ABCB11: variants seen among roughly 807,000 people sequenced by gnomAD.
ABCB11 encodes bile salt export pump.
A neutral mutation model predicts 148.0 loss-of-function variants in ABCB11; 95 were observed. The observed-to-expected ratio is 0.64, with a 90% CI of 0.54 to 0.76. The LOEUF (loss-of-function observed/expected upper bound fraction) is 0.76. ABCB11 is among the 30% of genes least tolerant of loss of function. The pLI is 0.00. For missense variants in ABCB11, 1,523 were observed against 1,617.8 expected (o/e 0.94, Z 1.01); for synonymous variants, 591 against 555.4 (o/e 1.06, Z -0.90).
At chr2:168,945,111 G>C (rs1014709229) in intron 19 of ABCB11, 150 bp from the exon 20 acceptor site, 15 of 588,882 alleles carry the variant, frequency 2.5e-5, no homozygotes, top group Non-Finnish European at 3.3e-5. Context: ...CCTAATGTAA[G>C]CTGTGGATCT....
chr2:168,915,421 T>G (rs543750312), downstream of ABCB11, among the ~76,000 whole-genome samples: 1 of 152,368 alleles, frequency 6.6e-6, no homozygotes, highest in South Asian at 2.1e-4. Context: ...TTCAGGATTT[T>G]TATTAATAAA....
chr2:169,017,018 A>ACC (rs1695381695), intron 2 of ABCB11, among the ~76,000 whole-genome samples: 1 of 148,728 alleles, frequency 6.7e-6, no homozygotes, highest in Non-Finnish European at 1.5e-5. Flanking sequence ...ACACACACAC[A>ACC]CACACGAAGA....
At position 169,010,768 on chromosome 2, in the gene ABCB11, G is replaced by A. The variant is rs186206560; in HGVS notation, c.389+2504C>T. On this transcript the variant is annotated intron_variant, in intron 5 of 27. Transcript: ENST00000650372. ...CTAAACAAACATGTTATTCAGAATA[G>A]AACAAATAGTATTCATGTCAATGAT... 1.2e-4 allele frequency among the ~76,000 whole-genome samples: 19 copies of A among 152,174 alleles called. No homozygotes were observed. The East Asian group carries it at 2.5e-3, about 20-fold the overall frequency.
At chr2:168,952,574 C>T (rs996332914) in intron 19 of ABCB11, among the ~76,000 whole-genome samples, 3 of 150,272 alleles carry the variant, frequency 2.0e-5, no homozygotes, top group Non-Finnish European at 4.5e-5. Context: ...TCTTCTTTTT[C>T]ATTTTTGATT....
rs377593886 is a variant in ABCB11 at position 168,970,162 on chromosome 2, T to C, written c.1692A>G (p.Lys564=). The change falls in exon 15 of 28, where the codon AAA becomes AAG. Residue 564 remains lysine, a synonymous_variant. Transcript: ENST00000650372. The part of the protein sequence containing the change: ...EGGGQMSGGQ[K]QRVAIARALI... ...GGGCTCTGGCGATAGCTACCCTTTG[T>C]TTCTGGCCACCACTCATCTGGCCTC... is the stretch of plus-strand genomic sequence containing the variant. The C allele has an allele frequency of 8.4e-5, 135 of 1,612,684 alleles. No individual in the cohort carries two copies. The highest frequency in any genetic ancestry group is 1.1e-4 in the Non-Finnish European group (128 of 1,179,268).
intron 8 of ABCB11, among the ~76,000 whole-genome samples, chr2:168,991,329 T>C (rs1573949192): frequency 6.6e-6 from 1 of 152,106 alleles, no homozygotes; most frequent in Admixed American, 6.6e-5. Context: ...TTGGGTATAA[T>C]ATATGACATA....
chr2:168,956,552 G>A (rs1692800570), intron 19 of ABCB11, among the ~76,000 whole-genome samples: 1 of 151,626 alleles, frequency 6.6e-6, no homozygotes, highest in Non-Finnish European at 1.5e-5. Context: ...ATACTACTCT[G>A]AGTCTGTTCA....
At chr2:169,004,685 A>G (rs1192983037) in intron 5 of ABCB11, among the ~76,000 whole-genome samples, 3 of 152,110 alleles carry the variant, frequency 2.0e-5, no homozygotes, top group Admixed American at 1.3e-4. Flanking sequence ...CAGAGATTTC[A>G]TCTTGGTTTA....
chr2:168,921,931 C>T lies in ABCB11; in HGVS notation c.*1691G>A, dbSNP rs1378675868. Among the ~76,000 whole-genome samples, 11 of 150,466 alleles carry T rather than the reference C, an allele frequency of 7.3e-5. No homozygotes were observed. Among genetic ancestry groups the T allele is most frequent in the Admixed American group, 4.0e-4 (6 of 15,126 alleles). The stretch of plus-strand genomic sequence containing the variant: ...TGGCGCGATCTCGGCTCACTGCAAG[C>T]TCCACCTCCCGGGTTCACGCCATTC... On this transcript the variant is annotated 3_prime_UTR_variant, in exon 28 of 28. Transcript: ENST00000650372.
chr2:169,028,503 G>A (rs910573735), intron 1 of ABCB11, among the ~76,000 whole-genome samples: 8 of 152,022 alleles, frequency 5.3e-5, no homozygotes, highest in Non-Finnish European at 1.2e-4. Flanking sequence ...ACATGCAAAG[G>A]CCCAGATGCA....
At chr2:169,019,279 A>T (rs191433583) in intron 1 of ABCB11, among the ~76,000 whole-genome samples, 3 of 152,222 alleles carry the variant, frequency 2.0e-5, no homozygotes, top group Non-Finnish European at 2.9e-5. Context: ...TCCCAGAAGC[A>T]GAGAGTGGAG....
At chr2:168,929,966 A>G (rs1012694717) in intron 25 of ABCB11, among the ~76,000 whole-genome samples, 1 of 152,208 alleles carries the variant, frequency 6.6e-6, no homozygotes, top group African/African-American at 2.4e-5. Flanking sequence ...CAAGTGGTCA[A>G]AAATAGTTGC....
Position 168,926,247 on chromosome 2 carries a change from A to C in ABCB11, c.3618+909T>G, listed in dbSNP as rs149336382. Among the ~76,000 whole-genome samples, 428 of 152,250 alleles carry C rather than the reference A, an allele frequency of 2.8e-3. 3 individuals carry two copies. Among genetic ancestry groups the C allele is most frequent in the African/African-American group, 9.6e-3 (397 of 41,540 alleles). On this transcript the variant is annotated intron_variant, in intron 26 of 27. Coordinates refer to ENST00000650372, the MANE Select transcript of ABCB11 (RefSeq NM_003742.4). ...AAAATGCAGAGTCAATATTGCGCGA[A>C]ATCTGGACTTGGGTTTGGCAAAGTA...
Position 168,995,345 on chromosome 2 carries a change from T to A in ABCB11, c.611+4A>T, listed in dbSNP as rs780248854. The A allele has an allele frequency of 5.6e-6, 9 of 1,611,144 alleles. No homozygotes were observed. The highest frequency in any genetic ancestry group is 6.8e-6 in the Non-Finnish European group (8 of 1,178,380). ...ACTAAAATACTGTTTTACCAGCTAC[T>A]TACTCAGAGAATCTTGTATTCAGCT... On this transcript the variant is annotated splice_donor_region_variant and intron_variant, in intron 7 of 27. Transcript: ENST00000650372.
At chr2:168,960,060 AC>A (rs1349452662) in intron 18 of ABCB11, among the ~76,000 whole-genome samples, 8 of 151,188 alleles carry the variant, frequency 5.3e-5, no homozygotes, top group Admixed American at 4.0e-4. Flanking sequence ...AAAATATTTC[AC>A]CCCTTCTCTG....
chr2:169,024,204 T>G (rs1695622535), intron 1 of ABCB11, among the ~76,000 whole-genome samples: 1 of 151,942 alleles, frequency 6.6e-6, no homozygotes, highest in Non-Finnish European at 1.5e-5. Context: ...TAAAATAAAA[T>G]AAAATAAAAC....
In ABCB11 at chr2:168,950,140, TAC is replaced by T. The variant is rs36026125; in HGVS notation, c.2344-5181_2344-5180del. 5.5e-3 allele frequency among the ~76,000 whole-genome samples: 789 copies of T among 143,982 alleles called. 2 individuals carry two copies. The highest frequency in any genetic ancestry group is 7.0e-3 in the Middle Eastern group (2 of 284). 94.5% of individuals were successfully genotyped at this position (143,982 alleles called of 152,430 possible). Reference sequence around the variant, plus strand: ...ATCCTATTACTCCCATATATATATATACACACACACACACACACACACACACA... The same window carrying T: ...ATCCTATTACTCCCATATATATATATACACACACACACACACACACACACA... On this transcript the variant is annotated intron_variant, in intron 19 of 27. Transcript: ENST00000650372.
At chr2:168,942,790 G>A (rs1030346166) in intron 21 of ABCB11, among the ~76,000 whole-genome samples, 1 of 151,592 alleles carries the variant, frequency 6.6e-6, no homozygotes, top group Non-Finnish European at 1.5e-5. Context: ...AAAACAATAA[G>A]GTTTTAAATA....
rs539258068 is a variant in ABCB11 at position 168,927,374 on chromosome 2, G to A, written c.3412-12C>T. The stretch of plus-strand genomic sequence containing the variant: ...TGACCATCTATCATCTGCCAATAGA[G>A]GAGATGACAGGTCATTAGGTTTTTA... On this transcript the variant is annotated splice_polypyrimidine_tract_variant and intron_variant, in intron 25 of 27. Transcript: ENST00000650372. 1 of 1,605,428 alleles carries A rather than the reference G, an allele frequency of 6.2e-7. No homozygotes were observed. Among genetic ancestry groups the A allele is most frequent in the Non-Finnish European group, 8.5e-7 (1 of 1,172,750 alleles).
Sources: gnomAD v4.1 joint callset for allele counts (sites outside exome capture counted in the v4.1 genomes callset) on GRCh38, gnomAD v4.1.1 for gene constraint, MANE v1.5 for transcripts, NCBI Gene and HGNC (gene_info 2026-07-23, HGNC 2026-07-21) for gene names.